The following ZNF277 variants were observed in gnomAD, a reference collection of about 807,000 sequenced individuals.
ZNF277 encodes nuclear receptor-interacting factor 4.
ZNF277 carries 55 observed loss-of-function variants against 60.7 expected under a neutral mutation model. That is an observed-to-expected ratio of 0.91 (90% CI 0.73 to 1.13). The LOEUF is 1.13. Ranked by LOEUF, ZNF277 falls within the 50% of genes most tolerant of loss-of-function variation. The pLI, the probability that ZNF277 is intolerant of heterozygous loss-of-function variation, is 0.00. For synonymous variants in ZNF277, 178 were observed against 179.3 expected (o/e 0.99, Z 0.06); for missense variants, 510 against 523.0 (o/e 0.98, Z 0.24).
At chr7:112,335,912 A>C (rs1793319722) in intron 7 of ZNF277, among the ~76,000 whole-genome samples, 192 bp from the exon 8 acceptor site, 1 of 152,222 alleles carries the variant, frequency 6.6e-6, no homozygotes, top group Non-Finnish European at 1.5e-5. Context: ...CACTGTCATT[A>C]AGTCAAAAAA....
At chr7:112,271,224 A>G (rs1436720226) in intron 1 of ZNF277, among the ~76,000 whole-genome samples, 1 of 152,188 alleles carries the variant, frequency 6.6e-6, no homozygotes, top group Non-Finnish European at 1.5e-5. Context: ...CGAGATTTCT[A>G]TCACCTTTTG....
intron 1 of ZNF277, among the ~76,000 whole-genome samples, chr7:112,262,645 G>A (rs575543397): frequency 9.9e-5 from 15 of 152,086 alleles, no homozygotes; most frequent in Admixed American, 8.5e-4. Flanking sequence ...ACAATATAGA[G>A]GGCTACATAT....
chr7:112,226,016 A>G (rs1241250075), intron 1 of ZNF277, among the ~76,000 whole-genome samples: 1 of 152,172 alleles, frequency 6.6e-6, no homozygotes, highest in East Asian at 1.9e-4. Flanking sequence ...CCTGTTTCCC[A>G]AATAGTTGAC....
chr7:112,230,341 G>C (rs536958184), intron 1 of ZNF277, among the ~76,000 whole-genome samples: 2 of 152,294 alleles, frequency 1.3e-5, no homozygotes, highest in South Asian at 4.1e-4. Flanking sequence ...TTGTTAATTG[G>C]ACATGTTCCT....
intron 4 of ZNF277, among the ~76,000 whole-genome samples, chr7:112,297,099 T>C (rs1432542637): frequency 6.6e-6 from 1 of 150,906 alleles, no homozygotes; most frequent in African/African-American, 2.4e-5. Flanking sequence ...GGCTAATTTT[T>C]TGTATTTTTA....
At chr7:112,304,400 A>G (rs73424457) in intron 4 of ZNF277, among the ~76,000 whole-genome samples, 4,363 of 152,236 alleles carry the variant, frequency 0.029, 221 homozygotes, top group African/African-American at 0.1. Context: ...TTAAAAGAGA[A>G]TTTTGGGGGT....
intron 7 of ZNF277, among the ~76,000 whole-genome samples, chr7:112,335,370 A>C (rs979420767): frequency 2.0e-5 from 3 of 152,164 alleles, no homozygotes; most frequent in African/African-American, 7.2e-5. Flanking sequence ...AGAGAGGAAG[A>C]AACGGCCCAA....
chr7:112,214,599 A>G (rs1356733946), intron 1 of ZNF277, among the ~76,000 whole-genome samples: 1 of 152,226 alleles, frequency 6.6e-6, no homozygotes, highest in Admixed American at 6.5e-5. Flanking sequence ...TTTATTTGCA[A>G]CATAGGCAGC....
At chr7:112,222,906 A>T (rs950945892) in intron 1 of ZNF277, among the ~76,000 whole-genome samples, 1 of 152,192 alleles carries the variant, frequency 6.6e-6, no homozygotes, top group African/African-American at 2.4e-5. Flanking sequence ...GCTAGAATAT[A>T]AACAGGCAGA....
intron 6 of ZNF277, among the ~76,000 whole-genome samples, chr7:112,328,037 A>G (rs754725797): frequency 2.6e-5 from 4 of 152,218 alleles, no homozygotes; most frequent in African/African-American, 4.8e-5. Flanking sequence ...TGTCATATAT[A>G]CCAAACAATA....
At chr7:112,245,148 T>C (rs1587112053) in intron 1 of ZNF277, among the ~76,000 whole-genome samples, 1 of 152,214 alleles carries the variant, frequency 6.6e-6, no homozygotes, top group East Asian at 1.9e-4. Flanking sequence ...TCTGATTTCT[T>C]ACTGACTACT....
intron 1 of ZNF277, among the ~76,000 whole-genome samples, chr7:112,227,173 A>G (rs190472809): frequency 9.8e-5 from 15 of 152,358 alleles, no homozygotes; most frequent in Admixed American, 9.8e-4. Flanking sequence ...AACTTTGTCA[A>G]CATTAGTTGA....
intron 1 of ZNF277, among the ~76,000 whole-genome samples, chr7:112,216,660 T>C (rs1359591578): frequency 6.6e-6 from 1 of 152,186 alleles, no homozygotes; most frequent in Non-Finnish European, 1.5e-5. Context: ...TCCTGGTTTG[T>C]AAATGAGGGA....
chr7:112,295,445 C>T (rs1274696171), intron 2 of ZNF277, among the ~76,000 whole-genome samples: 3 of 152,124 alleles, frequency 2.0e-5, no homozygotes, highest in Admixed American at 1.3e-4. Flanking sequence ...CTTCTGACCT[C>T]TGTTCTTTTG....
chr7:112,291,017 G>A (rs959189242), intron 2 of ZNF277, among the ~76,000 whole-genome samples: 3 of 152,100 alleles, frequency 2.0e-5, no homozygotes, highest in African/African-American at 7.2e-5. Flanking sequence ...CAAGAAGTAA[G>A]CTATAAGTTT....
chr7:112,273,491 C>G (rs1448664161), intron 1 of ZNF277, among the ~76,000 whole-genome samples: 1 of 152,180 alleles, frequency 6.6e-6, no homozygotes, highest in Non-Finnish European at 1.5e-5. Context: ...GTGCCTCTTT[C>G]AGGGATATGA....
chr7:112,251,909 AAG>A (rs1439406646), intron 1 of ZNF277, among the ~76,000 whole-genome samples: 3 of 152,220 alleles, frequency 2.0e-5, no homozygotes, highest in Non-Finnish European at 4.4e-5. Flanking sequence ...GACAGCTTAT[AAG>A]AGAGTGTGGT....
intron 4 of ZNF277, among the ~76,000 whole-genome samples, chr7:112,297,859 C>T (rs2117079874): frequency 6.6e-6 from 1 of 152,240 alleles, no homozygotes; most frequent in Non-Finnish European, 1.5e-5. Context: ...AACTCAAACC[C>T]TACTACTTCA....
rs1358720506 is a variant in ZNF277 at position 112,336,131 on chromosome 7, C to G, written c.829C>G (p.Gln277Glu). 5 of 1,609,538 alleles carry G rather than the reference C, an allele frequency of 3.1e-6. No individual in the cohort carries two copies. The highest frequency in any genetic ancestry group is 3.4e-6 in the Non-Finnish European group (4 of 1,177,688). ...ACTTGGAAAATCGTGGGAAGAAGTTCAGTTGGAAGATGATCGGGAGTTGCT... is the reference window on the plus strand; with the variant it reads ...ACTTGGAAAATCGTGGGAAGAAGTTGAGTTGGAAGATGATCGGGAGTTGCT... ...LELGKSWEEV[Q>E]LEDDRELLDH... is the part of the protein sequence containing the mutation. Residue 277 changes from glutamine to glutamate, a missense_variant, in exon 8 of 12, where the codon CAG (glutamine) becomes GAG (glutamate). Transcript: ENST00000361822.
Sources: gnomAD v4.1 joint callset for allele counts (sites outside exome capture counted in the v4.1 genomes callset) on GRCh38, gnomAD v4.1.1 for gene constraint, MANE v1.5 for transcripts, NCBI Gene and HGNC (gene_info 2026-07-23, HGNC 2026-07-21) for gene names.